The following SPRR2B variants were observed in gnomAD, a reference collection of about 807,000 sequenced individuals.
SPRR2B encodes the protein small proline-rich protein 2B.
Under a neutral mutation model 1.0 loss-of-function variants are expected in SPRR2B, and 1 was observed. The observed-to-expected ratio is 1.01, with a 90% CI of 0.36 to 4.77. The LOEUF (loss-of-function observed/expected upper bound fraction) is 4.77, where lower values mean the gene tolerates loss of function less well. Among genes scored for constraint, SPRR2B ranks in the 30% most tolerant of loss-of-function variants. SPRR2B has a pLI of 0.16. For synonymous variants in SPRR2B, 27 were observed against 33.4 expected (o/e 0.81, Z 0.66); for missense variants, 53 against 88.7 (o/e 0.60, Z 1.62).
At chr1:153,075,313 G>T (rs1054995513), upstream of SPRR2B, among the ~76,000 whole-genome samples, 2 of 151,986 alleles carry the variant, frequency 1.3e-5, no homozygotes, top group Non-Finnish European at 2.9e-5. Flanking sequence ...CTGCACTCCA[G>T]TTTTGGTGAC....
the SPRR2B span, among the ~76,000 whole-genome samples, chr1:153,086,629 A>G: frequency 0.15 from 22,451 of 152,214 alleles, 2,656 homozygotes; most frequent in East Asian, 0.49. Context: ...TGCAAGACAC[A>G]TAGTCATAAG....
chr1:153,073,695 T>TCACACACA (rs4041380), upstream of SPRR2B, among the ~76,000 whole-genome samples: 3,109 of 144,558 alleles, frequency 0.022, 58 homozygotes, highest in Middle Eastern at 0.082. Flanking sequence ...GAGGCATACT[T>TCACACACA]CACACACACA....
the SPRR2B span, among the ~76,000 whole-genome samples, chr1:153,077,080 A>G: frequency 6.6e-6 from 1 of 152,230 alleles, no homozygotes; most frequent in Non-Finnish European, 1.5e-5. Flanking sequence ...AATTATCAAA[A>G]GAGAGAATCT....
At chr1:153,075,335 C>CT (rs948894249), upstream of SPRR2B, among the ~76,000 whole-genome samples, 4 of 151,246 alleles carry the variant, frequency 2.6e-5, no homozygotes, top group Admixed American at 2.6e-4. Flanking sequence ...GAACAAGACT[C>CT]TATCTCAAAA....
chr1:153,082,993 A>T, the SPRR2B span, among the ~76,000 whole-genome samples: 1 of 152,340 alleles, frequency 6.6e-6, no homozygotes, highest in Non-Finnish European at 1.5e-5. Flanking sequence ...AGACTCAAAT[A>T]GCTAAAATCT....
the SPRR2B span, among the ~76,000 whole-genome samples, chr1:153,085,055 T>C: frequency 6.6e-6 from 1 of 152,196 alleles, no homozygotes; most frequent in Admixed American, 6.5e-5. Context: ...ATTGAAGGAA[T>C]ATAAGCACAT....
upstream of SPRR2B, among the ~76,000 whole-genome samples, chr1:153,074,028 A>T (rs1260630368): frequency 2.0e-5 from 3 of 152,210 alleles, no homozygotes; most frequent in Admixed American, 2.0e-4. Context: ...CTACTACTAC[A>T]GTCAAGATAA....
upstream of SPRR2B, among the ~76,000 whole-genome samples, chr1:153,073,415 T>C (rs1396106045): frequency 6.6e-6 from 1 of 152,110 alleles, no homozygotes; most frequent in Non-Finnish European, 1.5e-5. Flanking sequence ...CTGTGTGAGA[T>C]AATACAGTTT....
At chr1:153,079,431 T>C in the SPRR2B span, among the ~76,000 whole-genome samples, 2 of 152,248 alleles carry the variant, frequency 1.3e-5, no homozygotes, top group African/African-American at 4.8e-5. Context: ...AGGCATGAAG[T>C]CCTTGCCCAT....
chr1:153,077,054 A>G, the SPRR2B span, among the ~76,000 whole-genome samples: 3 of 152,248 alleles, frequency 2.0e-5, no homozygotes, highest in East Asian at 5.8e-4. Context: ...ACCCACCATG[A>G]CACACATTAC....
At chr1:153,085,686 A>T in the SPRR2B span, among the ~76,000 whole-genome samples, 1 of 152,206 alleles carries the variant, frequency 6.6e-6, no homozygotes. Context: ...CAGAGAACCC[A>T]AGTAAGATAC....
At chr1:153,079,491 G>GT in the SPRR2B span, among the ~76,000 whole-genome samples, 1 of 152,258 alleles carries the variant, frequency 6.6e-6, no homozygotes, top group East Asian at 1.9e-4. Flanking sequence ...AGTTTTTATG[G>GT]TTTTAGGTCT....
At chr1:153,076,739 A>T in the SPRR2B span, among the ~76,000 whole-genome samples, 1 of 152,242 alleles carries the variant, frequency 6.6e-6, no homozygotes, top group Non-Finnish European at 1.5e-5. Context: ...ACACAAAATA[A>T]TGTGCATTCA....
At chr1:153,079,720 C>G in the SPRR2B span, among the ~76,000 whole-genome samples, 1 of 152,042 alleles carries the variant, frequency 6.6e-6, no homozygotes, top group Admixed American at 6.5e-5. Context: ...TTCCATTGGT[C>G]TATATCTCTG....
chr1:153,073,433 G>T (rs1415680311), upstream of SPRR2B, among the ~76,000 whole-genome samples: 1 of 152,086 alleles, frequency 6.6e-6, no homozygotes, highest in South Asian at 2.1e-4. Flanking sequence ...TTTGGGTCAT[G>T]CCCTGAGACT....
upstream of SPRR2B, among the ~76,000 whole-genome samples, chr1:153,075,670 T>C (rs1161839189): frequency 6.6e-6 from 1 of 151,894 alleles, no homozygotes; most frequent in East Asian, 1.9e-4. Flanking sequence ...AACACATGGC[T>C]AATCAAAGAG....
chr1:153,081,480 G>A, the SPRR2B span, among the ~76,000 whole-genome samples: 101 of 152,280 alleles, frequency 6.6e-4, no homozygotes, highest in South Asian at 3.7e-3. Flanking sequence ...GCAAAATTAT[G>A]GCATTTCCTG....
At chr1:153,076,065 T>C (rs1654762497), upstream of SPRR2B, among the ~76,000 whole-genome samples, 2 of 152,196 alleles carry the variant, frequency 1.3e-5, no homozygotes, top group South Asian at 4.1e-4. Context: ...GAAAAATATA[T>C]GTTTTATTCT....
chr1:153,073,548 T>C (rs1410835447), upstream of SPRR2B, among the ~76,000 whole-genome samples: 2 of 152,248 alleles, frequency 1.3e-5, no homozygotes, highest in East Asian at 3.9e-4. Context: ...AGGCTCACTT[T>C]ACGAGTTGAG....
Sources: gnomAD v4.1 joint callset for allele counts (sites outside exome capture counted in the v4.1 genomes callset) on GRCh38, gnomAD v4.1.1 for gene constraint, MANE v1.5 for transcripts, NCBI Gene and HGNC (gene_info 2026-07-23, HGNC 2026-07-21) for gene names.